The following GON4L variants were observed in gnomAD, a reference collection of about 807,000 sequenced individuals.
The protein encoded by GON4L is GON-4-like protein.
Under a neutral mutation model 211.8 loss-of-function variants are expected in GON4L, and 87 were observed. The ratio of observed to expected loss-of-function variants is 0.41; its 90% CI spans 0.35 to 0.49. The LOEUF is 0.49. Ranked by LOEUF, GON4L falls within the 20% of genes least tolerant of loss-of-function variation. The pLI, the probability that GON4L is intolerant of heterozygous loss-of-function variation, is 0.15. For missense variants in GON4L, 2,155 were observed against 2,659.5 expected (o/e 0.81, Z 4.17); for synonymous variants, 875 against 962.6 (o/e 0.91, Z 1.68).
In GON4L at chr1:155,826,889, C is replaced by G. The variant is rs772531281; in HGVS notation, c.645G>C (p.Leu215=). The G allele has an allele frequency of 3.1e-6, 5 of 1,613,676 alleles. No individual in the cohort carries two copies. The African/African-American group carries it at 6.7e-5, about 22-fold the overall frequency. Residue 215 remains leucine (L), a synonymous_variant, in exon 3 of 32, where the codon CTG becomes CTC. Transcript: ENST00000368331. The stretch of plus-strand genomic sequence containing the variant: ...CTATCTCTTCCTCAGGTTGGTGAAA[C>G]AGAGTCCTGAGTGGCTTTTCTTGAG... The part of the protein sequence containing the change: ...ASPQEKPLRT[L]FHQPEEEIED...
chr1:155,854,142 G>T lies in GON4L; in HGVS notation c.-26-336C>A, dbSNP rs1340452331. Among the ~76,000 whole-genome samples, 4 of 151,420 alleles carry T rather than the reference G, an allele frequency of 2.6e-5. No homozygotes were observed. In the East Asian group the frequency reaches 7.7e-4, roughly 29 times the overall value. On this transcript the variant is annotated intron_variant, in intron 1 of 31. Coordinates refer to ENST00000368331, the MANE Select transcript of GON4L (RefSeq NM_001282860.2). ...TAATAAACACTGTGGGTTTATTTTT[G>T]TGTTTTTTTGTTTTTGTTTTTGTTT... is the stretch of plus-strand genomic sequence containing the variant.
intron 22 of GON4L, among the ~76,000 whole-genome samples, chr1:155,763,073 G>T (rs879420811): frequency 6.6e-6 from 1 of 152,028 alleles, no homozygotes; most frequent in African/African-American, 2.4e-5. Context: ...GAAAGAAAGT[G>T]AACGAAGCTA....
intron 11 of GON4L, 135 bp from the exon 12 acceptor site, chr1:155,795,286 G>A: frequency 3.0e-6 from 2 of 668,330 alleles, no homozygotes; most frequent in East Asian, 5.8e-5. Flanking sequence ...GAGTGCAGTG[G>A]TACAGCCTCA....
chr1:155,752,683 T>C, intron 29 of GON4L, 93 bp from the exon 30 acceptor site: 1 of 1,539,360 alleles, frequency 6.5e-7, no homozygotes, highest in Non-Finnish European at 8.8e-7. Flanking sequence ...GTGCAAAAAT[T>C]CTAATAAAAA....
chr1:155,829,967 TC>T (rs1445248901), intron 2 of GON4L, among the ~76,000 whole-genome samples: 1 of 151,904 alleles, frequency 6.6e-6, no homozygotes, highest in Non-Finnish European at 1.5e-5. Context: ...TTTTTTTTTT[TC>T]CAGACAGAGT....
At chr1:155,844,923 G>A (rs995280745) in intron 2 of GON4L, among the ~76,000 whole-genome samples, 6 of 152,162 alleles carry the variant, frequency 3.9e-5, no homozygotes, top group African/African-American at 1.4e-4. Context: ...ATTTCCATGT[G>A]AAGATAATGC....
In GON4L at chr1:155,750,412, T is replaced by C. The variant is rs1435208256; in HGVS notation, c.*172A>G. 1.6e-6 allele frequency: 1 copy of C among 620,248 alleles called. No individual in the cohort carries two copies. The highest frequency in any genetic ancestry group is 2.9e-5 in the Admixed American group (1 of 34,328). 38.4% of individuals were successfully genotyped at this position (620,248 alleles called of 1,614,324 possible). On this transcript the variant is annotated 3_prime_UTR_variant, in exon 32 of 32. Transcript: ENST00000368331. ...AAAAGACCTTGAATGATGCCTAGGA[T>C]GGCAGAGCCCCTGGGTCCTACTCCA...
At chr1:155,784,423 T>C (rs934103072) in intron 13 of GON4L, 1 of 262,624 alleles carries the variant, frequency 3.8e-6, no homozygotes, top group African/African-American at 2.6e-5. Flanking sequence ...TCTTGCTCTA[T>C]TGCCCAGGCT....
At position 155,826,895 on chromosome 1, in the gene GON4L, C is replaced by A. The variant is rs1196749547; in HGVS notation, c.639G>T (p.Arg213Ser). The A allele has an allele frequency of 6.2e-7, 1 of 1,613,752 alleles. No individual in the cohort carries two copies. Among genetic ancestry groups the A allele is most frequent in the East Asian group, 2.2e-5 (1 of 44,884 alleles). ...CTTCCTCAGGTTGGTGAAACAGAGT[C>A]CTGAGTGGCTTTTCTTGAGGAGAGG... Reference protein sequence around the residue: ...VCASPQEKPLRTLFHQPEEEI... With the variant: ...VCASPQEKPLSTLFHQPEEEI... Residue 213 changes from arginine to serine, a missense_variant, in exon 3 of 32, where the codon AGG becomes AGT. Arg to Ser is a moderately radical substitution (Grantham distance 110). Around this residue, in one of 6 missense-constraint regions of GON4L, gnomAD observed 313 missense variants for 293.2 expected, o/e 1.07. Coordinates refer to ENST00000368331, the MANE Select transcript of GON4L (RefSeq NM_001282860.2).
At chr1:155,774,453 C>T (rs920252647) in intron 17 of GON4L, among the ~76,000 whole-genome samples, 14 of 151,974 alleles carry the variant, frequency 9.2e-5, no homozygotes, top group African/African-American at 3.4e-4. Context: ...GGACTACAGG[C>T]GCGTGCCCCC....
At chr1:155,824,687 T>C (rs10796954) in intron 3 of GON4L, among the ~76,000 whole-genome samples, 42,187 of 145,686 alleles carry the variant, frequency 0.29, 6,625 homozygotes, top group East Asian at 0.7. Flanking sequence ...GAGGTTGCAG[T>C]GAGCCAAGAT....
intron 20 of GON4L, chr1:155,767,091 T>C: frequency 1.6e-6 from 1 of 618,508 alleles, no homozygotes; most frequent in Non-Finnish European, 2.8e-6. Context: ...ACAATAGGGC[T>C]TTCTAGGTTT....
chr1:155,784,184 G>T, intron 13 of GON4L, 95 bp from the exon 14 acceptor site: 1 of 1,516,258 alleles, frequency 6.6e-7, no homozygotes, highest in African/African-American at 1.4e-5. Context: ...TAGATTACAA[G>T]ACTATAATAA....
chr1:155,769,853 G>T (rs1186061506), intron 19 of GON4L, among the ~76,000 whole-genome samples: 1 of 151,822 alleles, frequency 6.6e-6, no homozygotes, highest in Non-Finnish European at 1.5e-5. Flanking sequence ...GTGGGAGTAA[G>T]GGAGTGAGGA....
intron 11 of GON4L, among the ~76,000 whole-genome samples, chr1:155,796,335 T>C (rs56173873): frequency 0.011 from 1,735 of 151,790 alleles, 26 homozygotes; most frequent in African/African-American, 0.04. Context: ...TGGAGTGCAG[T>C]GGCATGATCT....
chr1:155,813,484 CA>C (rs1667969342), intron 10 of GON4L, 149 bp downstream of exon 10: 1 of 679,568 alleles, frequency 1.5e-6, no homozygotes, highest in Non-Finnish European at 2.6e-6. Flanking sequence ...TCACTTTGAG[CA>C]GAAAATAGCA....
chr1:155,831,077 T>A (rs1158367692), intron 2 of GON4L, among the ~76,000 whole-genome samples: 1 of 152,100 alleles, frequency 6.6e-6, no homozygotes, highest in African/African-American at 2.4e-5. Context: ...GGTGGACAGG[T>A]CACTTGAGCT....
At chr1:155,788,249 T>C (rs1056316770) in intron 12 of GON4L, among the ~76,000 whole-genome samples, 2 of 152,074 alleles carry the variant, frequency 1.3e-5, no homozygotes, top group South Asian at 2.1e-4. Flanking sequence ...TGCCTCAGTA[T>C]CCCAAAGTGC....
chr1:155,774,857 A>C (rs966359327), intron 17 of GON4L, 145 bp downstream of exon 17: 28 of 836,248 alleles, frequency 3.3e-5, no homozygotes, highest in Non-Finnish European at 5.3e-5. Flanking sequence ...ATGAGTACAA[A>C]GGGAGGATAA....
Sources: gnomAD v4.1 joint callset for allele counts (sites outside exome capture counted in the v4.1 genomes callset) on GRCh38, gnomAD v4.1.1 for gene constraint, gnomAD v4.1.1 regional missense constraint, MANE v1.5 for transcripts, NCBI Gene and HGNC (gene_info 2026-07-23, HGNC 2026-07-21) for gene names.